BTG4: variants seen among roughly 807,000 people sequenced by gnomAD.
The protein encoded by BTG4 is protein BTG4.
In BTG4, 10 loss-of-function variants were observed where a neutral mutation model predicts 19.3. The observed-to-expected ratio is 0.52, with a 90% CI of 0.32 to 0.88. The LOEUF is 0.88. BTG4 is among the 40% of genes least tolerant of loss of function. The pLI is 0.04. For missense variants in BTG4, 238 were observed against 281.9 expected (o/e 0.84, Z 1.11); for synonymous variants, 91 against 95.7 (o/e 0.95, Z 0.29).
chr11:111,391,313 C>T, the BTG4 span, among the ~76,000 whole-genome samples: 5 of 152,210 alleles, frequency 3.3e-5, no homozygotes, highest in Non-Finnish European at 5.9e-5. Context: ...CTTGAGCCAA[C>T]ACACCCATTT....
the BTG4 span, among the ~76,000 whole-genome samples, chr11:111,449,052 C>T: frequency 1.3e-5 from 2 of 152,156 alleles, no homozygotes; most frequent in Non-Finnish European, 2.9e-5. Flanking sequence ...TGAACGTTCT[C>T]TGCAAGCCAA....
chr11:111,488,934 T>G (rs1421105076), intron 5 of BTG4, among the ~76,000 whole-genome samples: 2 of 151,884 alleles, frequency 1.3e-5, no homozygotes, highest in Non-Finnish European at 2.9e-5. Flanking sequence ...TCACCTGAGG[T>G]TGGGAGTTCA....
chr11:111,502,299 G>A (rs1866139001), intron 1 of BTG4, among the ~76,000 whole-genome samples: 1 of 152,100 alleles, frequency 6.6e-6, no homozygotes, highest in African/African-American at 2.4e-5. Flanking sequence ...TTGGTATAGA[G>A]TGCAACCTGC....
intron 1 of BTG4, among the ~76,000 whole-genome samples, chr11:111,503,976 T>G (rs1451858085): frequency 1.3e-5 from 2 of 152,156 alleles, no homozygotes; most frequent in African/African-American, 2.4e-5. Flanking sequence ...GACAAAGTAA[T>G]TTTAAAATAT....
At chr11:111,391,745 G>A in the BTG4 span, among the ~76,000 whole-genome samples, 1 of 152,186 alleles carries the variant, frequency 6.6e-6, no homozygotes, top group African/African-American at 2.4e-5. Context: ...GTTTTTCACT[G>A]AGGAGTGACG....
the BTG4 span, among the ~76,000 whole-genome samples, chr11:111,410,608 G>GTGCC: frequency 2.0e-5 from 3 of 152,200 alleles, no homozygotes; most frequent in Non-Finnish European, 4.4e-5. Context: ...AACTCATTGT[G>GTGCC]TGCCCTTGGT....
At chr11:111,463,982 G>A (rs573618689), downstream of BTG4, among the ~76,000 whole-genome samples, 1 of 152,298 alleles carries the variant, frequency 6.6e-6, no homozygotes, top group African/African-American at 2.4e-5. Context: ...GAGTGAGAGA[G>A]GGCGAGCAAA....
the BTG4 span, among the ~76,000 whole-genome samples, chr11:111,419,436 C>A: frequency 3.9e-5 from 6 of 152,368 alleles, no homozygotes; most frequent in Middle Eastern, 6.8e-3. Flanking sequence ...GTGCCCCTCG[C>A]CCCTTGGCCT....
the BTG4 span, among the ~76,000 whole-genome samples, chr11:111,392,674 G>A: frequency 2.0e-5 from 3 of 152,158 alleles, no homozygotes; most frequent in Non-Finnish European, 2.9e-5. Context: ...ATCTTGCTCA[G>A]AAAGCAGGGC....
intron 1 of BTG4, among the ~76,000 whole-genome samples, chr11:111,501,187 A>G (rs1866055854): frequency 6.6e-6 from 1 of 152,070 alleles, no homozygotes. Flanking sequence ...GCAACTCAGT[A>G]AGACCCCTGT....
At chr11:111,402,893 A>C in the BTG4 span, among the ~76,000 whole-genome samples, 1 of 152,086 alleles carries the variant, frequency 6.6e-6, no homozygotes, top group Non-Finnish European at 1.5e-5. Context: ...TACATCAGAA[A>C]TGTCTCCACA....
chr11:111,405,164 G>A, the BTG4 span, among the ~76,000 whole-genome samples: 1 of 152,110 alleles, frequency 6.6e-6, no homozygotes, highest in African/African-American at 2.4e-5. Context: ...CCAGCACTTT[G>A]GGAGGCCGAG....
At chr11:111,413,743 T>G in the BTG4 span, among the ~76,000 whole-genome samples, 1 of 152,124 alleles carries the variant, frequency 6.6e-6, no homozygotes, top group Non-Finnish European at 1.5e-5. Context: ...TATATCAGAG[T>G]GTGTTACAGC....
chr11:111,385,408 C>T, the BTG4 span: 1 of 152,028 alleles, frequency 6.6e-6, no homozygotes, highest in Non-Finnish European at 1.5e-5. Context: ...ATTTAAATTA[C>T]TTTAAAGAGC....
At chr11:111,467,644 G>T (rs773158688) in exon 6 of BTG4, 1 of 766,344 alleles carries the variant, frequency 1.3e-6, no homozygotes, top group East Asian at 2.5e-5. Context: ...CTTCTACCAG[G>T]TGCTGCAAAT....
chr11:111,505,835 G>C (rs1490622998), intron 1 of BTG4, among the ~76,000 whole-genome samples: 53 of 152,010 alleles, frequency 3.5e-4, no homozygotes, highest in African/African-American at 1.3e-3. Flanking sequence ...ACATTTCTCA[G>C]AAGAAGAAAT....
chr11:111,427,750 A>G, the BTG4 span, among the ~76,000 whole-genome samples: 1 of 152,124 alleles, frequency 6.6e-6, no homozygotes, highest in African/African-American at 2.4e-5. Flanking sequence ...AGCTGCAGCT[A>G]CCCCAAGGGG....
upstream of BTG4, among the ~76,000 whole-genome samples, chr11:111,512,759 C>T (rs971506944): frequency 2.0e-5 from 3 of 151,926 alleles, no homozygotes; most frequent in Non-Finnish European, 4.4e-5. Flanking sequence ...CCCGCTGGCC[C>T]AGCTACGCGT....
the BTG4 span, among the ~76,000 whole-genome samples, chr11:111,388,338 T>G: frequency 4.6e-5 from 7 of 151,648 alleles, no homozygotes; most frequent in Middle Eastern, 3.4e-3. Flanking sequence ...GGTGTGTGTT[T>G]TTTTTTTTTT....
Sources: gnomAD v4.1 joint callset for allele counts (sites outside exome capture counted in the v4.1 genomes callset) on GRCh38, gnomAD v4.1.1 for gene constraint, MANE v1.5 for transcripts, NCBI Gene and HGNC (gene_info 2026-07-23, HGNC 2026-07-21) for gene names.